Variants in SPTLC3 observed in about 807,000 individuals in gnomAD.
SPTLC3 encodes serine palmitoyltransferase 3.
In SPTLC3, 36 loss-of-function variants were observed where a neutral mutation model predicts 59.3. The ratio of observed to expected loss-of-function variants is 0.61; its 90% CI spans 0.47 to 0.80. The LOEUF is 0.80. SPTLC3 is among the 30% of genes least tolerant of loss of function. SPTLC3 has a pLI of 0.00. For synonymous variants in SPTLC3, 257 were observed against 240.8 expected (o/e 1.07, Z -0.62); for missense variants, 625 against 685.1 (o/e 0.91, Z 0.98).
At chr20:13,065,687 A>T (rs962373935) in intron 2 of SPTLC3, among the ~76,000 whole-genome samples, 11 of 134,458 alleles carry the variant, frequency 8.2e-5, no homozygotes, top group South Asian at 2.3e-4. Context: ...TTTTATTTTT[A>T]TTTTTTATTT....
At chr20:13,039,151 A>T (rs1266945487) in intron 1 of SPTLC3, among the ~76,000 whole-genome samples, 2 of 151,940 alleles carry the variant, frequency 1.3e-5, no homozygotes, top group Non-Finnish European at 2.9e-5. Flanking sequence ...GGTTTATACT[A>T]TTGTTCAAGT....
intron 9 of SPTLC3, among the ~76,000 whole-genome samples, chr20:13,148,794 G>A (rs946757710): frequency 2.6e-5 from 4 of 152,210 alleles, no homozygotes; most frequent in African/African-American, 4.8e-5. Flanking sequence ...GGTGCAGCCT[G>A]GACATAAGGT....
At chr20:13,143,227 T>C (rs1363049072) in intron 9 of SPTLC3, among the ~76,000 whole-genome samples, 2 of 152,194 alleles carry the variant, frequency 1.3e-5, no homozygotes, top group Non-Finnish European at 2.9e-5. Flanking sequence ...AGGTCAGTTA[T>C]GTAGACAAGA....
chr20:13,136,460 G>A (rs569382313), intron 9 of SPTLC3, among the ~76,000 whole-genome samples: 24 of 151,784 alleles, frequency 1.6e-4, no homozygotes, highest in African/African-American at 5.1e-4. Flanking sequence ...ATTAGATGGC[G>A]GTGGTGGCAG....
At chr20:13,084,174 G>A (rs542563374) in intron 4 of SPTLC3, among the ~76,000 whole-genome samples, 1 of 152,168 alleles carries the variant, frequency 6.6e-6, no homozygotes, top group South Asian at 2.1e-4. Flanking sequence ...TTCCTGCTTT[G>A]GACCCTGTAT....
chr20:13,011,740 T>TG, intron 1 of SPTLC3, among the ~76,000 whole-genome samples: 1 of 151,954 alleles, frequency 6.6e-6, no homozygotes, highest in Non-Finnish European at 1.5e-5. Flanking sequence ...TTCCTGTTTT[T>TG]TTTTTTTCTT....
At chr20:13,130,676 C>A (rs2273381) in intron 9 of SPTLC3, among the ~76,000 whole-genome samples, 4 of 152,112 alleles carry the variant, frequency 2.6e-5, no homozygotes, top group Non-Finnish European at 5.9e-5. Context: ...TGCACCAAGA[C>A]CCTTTTAATC....
At chr20:13,093,354 T>C in intron 5 of SPTLC3, 130 bp from the exon 6 acceptor site, 1 of 747,492 alleles carries the variant, frequency 1.3e-6, no homozygotes, top group Non-Finnish European at 2.2e-6. Context: ...GTTAAACTCT[T>C]GGCCTTTTAA....
intron 9 of SPTLC3, among the ~76,000 whole-genome samples, chr20:13,129,118 C>T (rs555867006): frequency 3.5e-4 from 53 of 152,188 alleles, no homozygotes; most frequent in African/African-American, 1.2e-3. Context: ...CTGCCTGCCT[C>T]GGCCTCCCAA....
At chr20:13,110,036 C>A in intron 6 of SPTLC3, 76 bp from the exon 7 acceptor site, 2 of 1,283,668 alleles carry the variant, frequency 1.6e-6, no homozygotes, top group Non-Finnish European at 2.2e-6. Flanking sequence ...GAACATAAAA[C>A]ATCTGGAAAA....
At chr20:13,101,327 A>G (rs1989592944) in intron 6 of SPTLC3, among the ~76,000 whole-genome samples, 2 of 152,206 alleles carry the variant, frequency 1.3e-5, no homozygotes. Flanking sequence ...CTTAACCACT[A>G]GCTGAGTCCA....
chr20:13,132,558 A>AG, intron 9 of SPTLC3, among the ~76,000 whole-genome samples: 1 of 152,188 alleles, frequency 6.6e-6, no homozygotes, highest in African/African-American at 2.4e-5. Flanking sequence ...ACTAAAAGGT[A>AG]AACTCCAGGA....
chr20:13,142,565 C>T (rs2038409794), intron 9 of SPTLC3, among the ~76,000 whole-genome samples: 1 of 152,142 alleles, frequency 6.6e-6, no homozygotes, highest in African/African-American at 2.4e-5. Context: ...ATTGTATTTG[C>T]TTTCTATTTC....
chr20:13,158,187 T>A (rs938799521), intron 10 of SPTLC3, among the ~76,000 whole-genome samples: 1 of 152,230 alleles, frequency 6.6e-6, no homozygotes, highest in Non-Finnish European at 1.5e-5. Flanking sequence ...GCAATGCTAA[T>A]GTTTATTATC....
At chr20:13,022,157 A>C (rs1204162899) in intron 1 of SPTLC3, among the ~76,000 whole-genome samples, 1 of 152,288 alleles carries the variant, frequency 6.6e-6, no homozygotes, top group South Asian at 2.1e-4. Flanking sequence ...TTGTGGCTCA[A>C]GCCATAAACC....
chr20:13,144,153 C>T (rs867972647), intron 9 of SPTLC3, among the ~76,000 whole-genome samples: 2 of 152,314 alleles, frequency 1.3e-5, no homozygotes, highest in Admixed American at 6.5e-5. Flanking sequence ...GTACTCATCC[C>T]TTTCCTCCCC....
Position 13,120,582 on chromosome 20 carries a change from C to A in SPTLC3, c.1152+2857C>A, listed in dbSNP as rs188160020. 2.6e-3 allele frequency among the ~76,000 whole-genome samples: 395 copies of A among 152,166 alleles called. 1 individual carries two copies. The highest frequency in any genetic ancestry group is 9.2e-3 in the African/African-American group (381 of 41,512). Reference sequence around the variant, plus strand: ...GGGGCTGCATTCCCAGTAACAGTGTCTAGGAGGTTCTGGAAATCTTTATGG... The same window carrying A: ...GGGGCTGCATTCCCAGTAACAGTGTATAGGAGGTTCTGGAAATCTTTATGG... On this transcript the variant is annotated intron_variant, in intron 8 of 11. Transcript: ENST00000399002.
intron 6 of SPTLC3, among the ~76,000 whole-genome samples, chr20:13,102,917 C>G (rs1217984999): frequency 6.6e-6 from 1 of 152,132 alleles, no homozygotes; most frequent in Non-Finnish European, 1.5e-5. Flanking sequence ...TTACCCCCTC[C>G]CCCTGCAGGG....
At chr20:13,162,383 C>T (rs927943097) in intron 11 of SPTLC3, among the ~76,000 whole-genome samples, 19 of 152,256 alleles carry the variant, frequency 1.2e-4, no homozygotes, top group African/African-American at 4.6e-4. Context: ...CTGCAAAACA[C>T]CTGCTTTGAA....
Sources: gnomAD v4.1 joint callset for allele counts (sites outside exome capture counted in the v4.1 genomes callset) on GRCh38, gnomAD v4.1.1 for gene constraint, MANE v1.5 for transcripts, NCBI Gene and HGNC (gene_info 2026-07-23, HGNC 2026-07-21) for gene names.